Variants in MMAA observed in about 807,000 individuals in gnomAD.
MMAA encodes the protein methylmalonic aciduria type A protein, mitochondrial.
Under a neutral mutation model 45.0 loss-of-function variants are expected in MMAA, and 41 were observed. The observed-to-expected ratio is 0.91, with a 90% CI of 0.71 to 1.18. The LOEUF (loss-of-function observed/expected upper bound fraction) is 1.18, where lower values mean the gene tolerates loss of function less well. Ranked by LOEUF, MMAA falls within the 50% of genes most tolerant of loss-of-function variation. The pLI, the probability that MMAA is intolerant of heterozygous loss-of-function variation, is 0.00. For synonymous variants in MMAA, 154 were observed against 178.2 expected, an observed-to-expected ratio of 0.86 and a Z score of 1.08; for missense variants, 460 against 495.7, an observed-to-expected ratio of 0.93 and a Z score of 0.68.
chr4:145,624,578 T>C (rs1734159214), intron 1 of MMAA: 38 of 1,241,050 alleles, frequency 3.1e-5, no homozygotes, highest in Non-Finnish European at 4.3e-5. Context: ...GAACCAGCAA[T>C]TCTAGAAGGA....
At position 145,639,522 on chromosome 4, in the gene MMAA, T is replaced by G. The variant is rs560188002; in HGVS notation, c.383T>G (p.Leu128Arg). Residue 128 changes from leucine to arginine, a missense_variant, in exon 2 of 7, where the codon CTT becomes CGT. By Grantham distance (102) the Leu-to-Arg change is moderately radical (BLOSUM62 -2). Transcript: ENST00000649156. ...LAQVLLQKVLLYHREQEQSNK... is the reference protein window; with the variant it reads ...LAQVLLQKVLRYHREQEQSNK... ...CAGGTGCTTCTTCAGAAAGTATTAC[T>G]TTACCACAGAGAACAAGAACAATCA... 5.0e-6 allele frequency: 8 copies of G among 1,613,334 alleles called. No individual in the cohort carries two copies. The highest frequency in any genetic ancestry group is 6.8e-6 in the Non-Finnish European group (8 of 1,179,722).
Position 145,650,766 on chromosome 4 carries a change from G to T in MMAA, c.734-296G>T, listed in dbSNP as rs908636672. ...TAGAGTCACAGTGTTCAAGCTGCTC[G>T]CTGATGAAAAGGAAGCCAAGAAAGA... On this transcript the variant is annotated intron_variant, in intron 4 of 6. Transcript: ENST00000649156. The T allele has an allele frequency of 9.3e-6, 4 of 431,732 alleles. No individual in the cohort carries two copies. In the East Asian group the frequency reaches 1.3e-4, roughly 14 times the overall value. The allele number at this position is 431,732 out of a possible 1,614,324, so 26.7% of individuals were successfully genotyped here. A position where few individuals can be genotyped will look rare whatever the true frequency, so the allele number is the denominator to read the frequency against.
At chr4:145,642,700 A>C (rs1437057123) in intron 3 of MMAA, 18 of 575,728 alleles carry the variant, frequency 3.1e-5, no homozygotes, top group Middle Eastern at 1.0e-3. Context: ...CTCAGTGGGC[A>C]CTCAGAAAAC....
At chr4:145,625,903 A>T in intron 1 of MMAA, 1 of 1,576,686 alleles carries the variant, frequency 6.3e-7, no homozygotes, top group Non-Finnish European at 8.7e-7. Flanking sequence ...ACCTCTCGCA[A>T]GTTATCTTTA....
intron 1 of MMAA, among the ~76,000 whole-genome samples, chr4:145,630,471 G>T (rs931880833): frequency 6.6e-6 from 1 of 152,142 alleles, no homozygotes; most frequent in Non-Finnish European, 1.5e-5. Context: ...GCTAACACCT[G>T]TAATCCCAGC....
chr4:145,619,666 T>G (rs1200989176), intron 1 of MMAA, among the ~76,000 whole-genome samples: 1 of 152,208 alleles, frequency 6.6e-6, no homozygotes, highest in Admixed American at 6.5e-5. Context: ...AAACAGTGTT[T>G]TAAAATTCTC....
chr4:145,630,469 C>A (rs2126610939), intron 1 of MMAA, among the ~76,000 whole-genome samples: 1 of 152,236 alleles, frequency 6.6e-6, no homozygotes, highest in East Asian at 1.9e-4. Context: ...TGGCTAACAC[C>A]TGTAATCCCA....
At chr4:145,624,441 T>C (rs1380141720) in intron 1 of MMAA, 1 of 816,580 alleles carries the variant, frequency 1.2e-6, no homozygotes, top group African/African-American at 1.7e-5. Flanking sequence ...TTTTAGCTTT[T>C]GTTTGCCAGC....
In MMAA at chr4:145,628,249, T is replaced by C. The variant is rs892440917; in HGVS notation, c.-66+8842T>C. 3.3e-5 allele frequency among the ~76,000 whole-genome samples: 5 copies of C among 152,238 alleles called. No homozygotes were observed. The South Asian group carries it at 8.3e-4, about 25-fold the overall frequency. On this transcript the variant is annotated intron_variant, in intron 1 of 6. Coordinates refer to ENST00000649156, the MANE Select transcript of MMAA (RefSeq NM_172250.3). ...TTTTTTTGGTTACTTTTTCTTACCA[T>C]AGAACTGTATTAGTTTCCTATAGCT...
At chr4:145,649,576 G>C (rs919586566) in intron 4 of MMAA, among the ~76,000 whole-genome samples, 5 of 152,116 alleles carry the variant, frequency 3.3e-5, no homozygotes, top group African/African-American at 1.2e-4. Context: ...ACTTTTCTGG[G>C]AACCCCATCT....
intron 4 of MMAA, 89 bp downstream of exon 4, chr4:145,646,245 G>A: frequency 7.0e-7 from 1 of 1,430,204 alleles, no homozygotes; most frequent in Non-Finnish European, 9.8e-7. Flanking sequence ...TCATTCAGCA[G>A]ATATTTGCTA....
chr4:145,623,922 A>G (rs1020286700), intron 1 of MMAA, among the ~76,000 whole-genome samples: 1 of 152,238 alleles, frequency 6.6e-6, no homozygotes, highest in Non-Finnish European at 1.5e-5. Flanking sequence ...GGGGTGAATT[A>G]ACACTTCTGT....
chr4:145,647,992 G>A (rs1727979165), intron 4 of MMAA, among the ~76,000 whole-genome samples: 2 of 151,014 alleles, frequency 1.3e-5, no homozygotes, highest in South Asian at 4.2e-4. Flanking sequence ...CAGTAGCTGG[G>A]ACTACAGGCG....
chr4:145,620,462 C>T (rs1229525910), intron 1 of MMAA, among the ~76,000 whole-genome samples: 1 of 152,142 alleles, frequency 6.6e-6, no homozygotes, highest in Non-Finnish European at 1.5e-5. Context: ...AACGCAGATC[C>T]GATTTTCTCC....
chr4:145,647,554 T>C (rs557297839), intron 4 of MMAA, among the ~76,000 whole-genome samples: 1 of 152,326 alleles, frequency 6.6e-6, no homozygotes, highest in East Asian at 1.9e-4. Context: ...ATGTATTTTC[T>C]CACAGTTCTG....
chr4:145,639,059 T>C lies in MMAA; in HGVS notation c.-65-16T>C. The C allele has an allele frequency of 7.6e-7, 1 of 1,317,120 alleles. No homozygotes were observed. Among genetic ancestry groups the C allele is most frequent in the South Asian group, 1.2e-5 (1 of 84,642 alleles). The allele number at this position is 1,317,120 out of a possible 1,614,324, so 81.6% of individuals were successfully genotyped here. ...GTTATATATCGAACTGGCTAACATG[T>C]TTTTCTTTCTTCTAGGGAGGTCACA... On this transcript the variant is annotated splice_polypyrimidine_tract_variant and intron_variant, in intron 1 of 6. Coordinates refer to ENST00000649156, the MANE Select transcript of MMAA (RefSeq NM_172250.3).
At chr4:145,643,997 A>G (rs1727862348) in intron 3 of MMAA, among the ~76,000 whole-genome samples, 1 of 152,226 alleles carries the variant, frequency 6.6e-6, no homozygotes, top group Non-Finnish European at 1.5e-5. Flanking sequence ...ACAAAACACT[A>G]TGAATATAAA....
At chr4:145,626,330 C>G (rs374978477) in intron 1 of MMAA, among the ~76,000 whole-genome samples, 1 of 152,136 alleles carries the variant, frequency 6.6e-6, no homozygotes, top group Non-Finnish European at 1.5e-5. Flanking sequence ...TATATTGGCT[C>G]TTAAAAAATT....
rs1022928116 is a variant in MMAA at position 145,639,344 on chromosome 4, A to G, written c.205A>G (p.Thr69Ala). The G allele has an allele frequency of 6.2e-7, 1 of 1,614,252 alleles. No homozygotes were observed. The highest frequency in any genetic ancestry group is 8.5e-7 in the Non-Finnish European group (1 of 1,180,044). The stretch of plus-strand genomic sequence containing the variant: ...CTTAAAGAGAAAATTATGTGTACAA[A>G]CAACCTTAAAGGACCACACAGAAGG... ...DGLKRKLCVQ[T>A]TLKDHTEGLS... The change falls in exon 2 of 7, where the codon ACA becomes GCA. Residue 69 changes from threonine to alanine, a missense_variant. Physicochemically the swap from Thr to Ala is moderately conservative, Grantham distance 58. Coordinates refer to ENST00000649156, the MANE Select transcript of MMAA (RefSeq NM_172250.3).
Sources: gnomAD v4.1 joint callset for allele counts (sites outside exome capture counted in the v4.1 genomes callset) on GRCh38, gnomAD v4.1.1 for gene constraint, MANE v1.5 for transcripts, NCBI Gene and HGNC (gene_info 2026-07-23, HGNC 2026-07-21) for gene names.